SDK1: variants seen among roughly 807,000 people sequenced by gnomAD.
SDK1 encodes protein sidekick-1.
Under a neutral mutation model 245.5 loss-of-function variants are expected in SDK1, and 157 were observed. The ratio of observed to expected loss-of-function variants is 0.64; its 90% confidence interval spans 0.56 to 0.73. SDK1 has a LOEUF of 0.73. Ranked by LOEUF, SDK1 falls within the 30% of genes least tolerant of loss-of-function variation. The pLI, the probability that SDK1 is intolerant of heterozygous loss-of-function variation, is 0.00. For missense variants in SDK1, 3,583 were observed against 3,002.3 expected (o/e 1.19, Z -4.52); for synonymous variants, 1,647 against 1,278.5 (o/e 1.29, Z -6.15).
intron 30 of SDK1, among the ~76,000 whole-genome samples, chr7:4,158,016 C>G (rs1780878621): frequency 6.6e-6 from 1 of 152,166 alleles, no homozygotes. Flanking sequence ...ATTAGCTCTT[C>G]CTGAGGACTT....
At chr7:3,358,325 A>G (rs1382407273) in intron 1 of SDK1, among the ~76,000 whole-genome samples, 2 of 152,138 alleles carry the variant, frequency 1.3e-5, no homozygotes, top group African/African-American at 4.8e-5. Context: ...CCCAGCCCTC[A>G]TTCATTTCTT....
chr7:3,582,981 G>A (rs1348038895), intron 1 of SDK1, among the ~76,000 whole-genome samples: 2 of 152,278 alleles, frequency 1.3e-5, no homozygotes, highest in African/African-American at 2.4e-5. Flanking sequence ...CTAGAACTCC[G>A]AAGTGTGCTG....
intron 1 of SDK1, among the ~76,000 whole-genome samples, chr7:3,436,916 A>T (rs1396664052): frequency 6.6e-6 from 1 of 152,164 alleles, no homozygotes; most frequent in African/African-American, 2.4e-5. Flanking sequence ...TCTTTACCTC[A>T]TTATTTATTT....
At chr7:3,656,007 A>C (rs968082003) in intron 4 of SDK1, among the ~76,000 whole-genome samples, 1 of 152,210 alleles carries the variant, frequency 6.6e-6, no homozygotes, top group African/African-American at 2.4e-5. Flanking sequence ...TGAAGTACGC[A>C]TGGTGTGGTG....
chr7:4,144,333 G>GGCA (rs1264165283), intron 28 of SDK1, among the ~76,000 whole-genome samples: 1 of 152,148 alleles, frequency 6.6e-6, no homozygotes, highest in Non-Finnish European at 1.5e-5. Flanking sequence ...CTGGAGGCAG[G>GGCA]GCAGCGGCTG....
chr7:4,241,501 G>C (rs1786513805), intron 42 of SDK1, among the ~76,000 whole-genome samples: 1 of 152,116 alleles, frequency 6.6e-6, no homozygotes, highest in South Asian at 2.1e-4. Flanking sequence ...ATCAAAAAAA[G>C]TTTATGCATT....
intron 4 of SDK1, among the ~76,000 whole-genome samples, chr7:3,702,198 G>C (rs945816736): frequency 2.0e-5 from 3 of 152,076 alleles, no homozygotes; most frequent in African/African-American, 7.2e-5. Context: ...ACAAACCATA[G>C]ACTGTAATAA....
chr7:3,959,132 G>T lies in SDK1; in HGVS notation c.1234+118G>T, dbSNP rs184771834. ...ACATTGAGTGTGATGGCGAAGAGCA[G>T]ACTTCAGAGAGTAGATCGGTCTTGG... On this transcript the variant is annotated intron_variant, in intron 8 of 44. Transcript: ENST00000404826. 3.7e-4 allele frequency: 302 copies of T among 813,562 alleles called. 1 individual carries two copies. In the African/African-American group the frequency reaches 4.6e-3, roughly 12 times the overall value. The allele number at this position is 813,562 out of a possible 1,614,324, so 50.4% of individuals were successfully genotyped here.
rs76711634 is a variant in SDK1, at chr7:4,199,388, C to T, written c.5099-6491C>T. ...TTATCATAACAGTGGGTGATGATGG[C>T]TATTGAGCTGATAAGAAGGTGGAAG... On this transcript the variant is annotated intron_variant, in intron 35 of 44. Transcript: ENST00000404826. 1.8e-4 allele frequency among the ~76,000 whole-genome samples: 28 copies of T among 152,226 alleles called. No individual in the cohort carries two copies. In the East Asian group the frequency reaches 4.1e-3, roughly 22 times the overall value.
At position 3,585,657 on chromosome 7, in the gene SDK1, A is replaced by G. The variant is rs145781608; in HGVS notation, c.299-33423A>G. 4.6e-5 allele frequency among the ~76,000 whole-genome samples: 7 copies of G among 152,290 alleles called. No homozygotes were observed. The East Asian group carries it at 1.3e-3, about 29-fold the overall frequency. ...TGGTAACAGAGAACAGAGGGGGCAT[A>G]CAGCAGGTGTGCTGAGGTGGCTCTG... On this transcript the variant is annotated intron_variant, in intron 1 of 44. Transcript: ENST00000404826.
intron 40 of SDK1, 57 bp downstream of exon 40, chr7:4,221,421 A>T (rs748403859): frequency 6.5e-7 from 1 of 1,537,872 alleles, no homozygotes; most frequent in East Asian, 2.4e-5. Context: ...AGTGCTTCTA[A>T]GACTGTGTCG....
At chr7:3,857,462 T>C (rs1428876275) in intron 5 of SDK1, among the ~76,000 whole-genome samples, 1 of 152,032 alleles carries the variant, frequency 6.6e-6, no homozygotes, top group African/African-American at 2.4e-5. Context: ...GCAGGGGGAT[T>C]GTTTGTGCCC....
At chr7:3,511,260 T>A (rs1782570648) in intron 1 of SDK1, among the ~76,000 whole-genome samples, 2 of 152,252 alleles carry the variant, frequency 1.3e-5, no homozygotes, top group African/African-American at 4.8e-5. Flanking sequence ...TCTGAAAACT[T>A]TTCTATAGTT....
chr7:3,415,769 A>T (rs17133297), intron 1 of SDK1, among the ~76,000 whole-genome samples: 16,833 of 151,472 alleles, frequency 0.11, 1,684 homozygotes, highest in East Asian at 0.4. Flanking sequence ...ACATGACTGT[A>T]CATTTCTTCG....
chr7:3,494,048 T>A (rs1027302142), intron 1 of SDK1, among the ~76,000 whole-genome samples: 3 of 149,242 alleles, frequency 2.0e-5, no homozygotes, highest in African/African-American at 7.3e-5. Context: ...AAAAGTCAGA[T>A]TTTTTTTTTA....
chr7:3,496,810 G>A (rs1222616438), intron 1 of SDK1, among the ~76,000 whole-genome samples: 1 of 152,112 alleles, frequency 6.6e-6, no homozygotes, highest in Non-Finnish European at 1.5e-5. Flanking sequence ...CAAATTCAAG[G>A]TAAATTTGGC....
intron 1 of SDK1, among the ~76,000 whole-genome samples, chr7:3,583,669 TAAAAC>T (rs1013447123): frequency 5.9e-5 from 9 of 151,484 alleles, no homozygotes; most frequent in African/African-American, 1.5e-4. Flanking sequence ...GAGAGGGAAA[TAAAAC>T]AAGTAGTAAG....
At chr7:3,620,520 C>T (rs1475514787) in intron 2 of SDK1, among the ~76,000 whole-genome samples, 1 of 152,124 alleles carries the variant, frequency 6.6e-6, no homozygotes, top group Non-Finnish European at 1.5e-5. Flanking sequence ...CCAGGCTTGT[C>T]TCAAACTCCT....
At chr7:3,498,345 T>C (rs1032268201) in intron 1 of SDK1, among the ~76,000 whole-genome samples, 1 of 152,212 alleles carries the variant, frequency 6.6e-6, no homozygotes, top group Non-Finnish European at 1.5e-5. Context: ...TTAGAAACTT[T>C]TAGGCTAGTT....
Sources: gnomAD v4.1 joint callset for allele counts (sites outside exome capture counted in the v4.1 genomes callset) on GRCh38, gnomAD v4.1.1 for gene constraint, MANE v1.5 for transcripts, NCBI Gene and HGNC (gene_info 2026-07-23, HGNC 2026-07-21) for gene names.